The following MYCT1 variants were observed in gnomAD, a reference collection of about 807,000 sequenced individuals.
The protein encoded by MYCT1 is myc target protein 1.
A neutral mutation model predicts 15.0 loss-of-function variants in MYCT1; 12 were observed. That is an observed-to-expected ratio of 0.80 (90% CI 0.51 to 1.29). The LOEUF is 1.29. MYCT1 is among the 50% of genes most tolerant of loss of function. The pLI is 0.00. For missense variants in MYCT1, 287 were observed against 279.1 expected (o/e 1.03, Z -0.20); for synonymous variants, 104 against 102.7 (o/e 1.01, Z -0.07).
chr6:152,735,596 A>G, the MYCT1 span, among the ~76,000 whole-genome samples: 1 of 152,262 alleles, frequency 6.6e-6, no homozygotes, highest in East Asian at 1.9e-4. Flanking sequence ...AAATATGCTT[A>G]CCTCATGCAT....
At position 152,722,610 on chromosome 6, in the gene MYCT1, C is replaced by T. The variant is rs909272423; in HGVS notation, c.*357C>T. On this transcript the variant is annotated 3_prime_UTR_variant, in exon 2 of 2. Coordinates refer to ENST00000367245, the MANE Select transcript of MYCT1 (RefSeq NM_025107.3). ...ATTTGTGGATTACAATCCTCATTTA[C>T]TTCCAATGTGACTAAAAAGAGAAAA... The T allele has an allele frequency of 6.6e-5, 16 of 242,304 alleles. 1 individual carries two copies. The East Asian group carries it at 6.7e-4, about 10-fold the overall frequency. The allele number at this position is 242,304 out of a possible 1,614,324, so 15.0% of individuals were successfully genotyped here.
chr6:152,720,930 T>C (rs1391517144), intron 1 of MYCT1, among the ~76,000 whole-genome samples: 1 of 152,206 alleles, frequency 6.6e-6, no homozygotes, highest in Non-Finnish European at 1.5e-5. Flanking sequence ...TAAGGTAGCA[T>C]TTCCATTAGG....
At position 152,702,635 on chromosome 6, in the gene MYCT1, G is replaced by C. The variant is rs554384879; in HGVS notation, c.196+4537G>C. On this transcript the variant is annotated intron_variant, in intron 1 of 1. Transcript: ENST00000367245. ...CCACCCCAGCAGATGGGCATAGGATGTTCCCCAAGAAGTTAAGAGGGGAAC... is the reference window on the plus strand; with the variant it reads ...CCACCCCAGCAGATGGGCATAGGATCTTCCCCAAGAAGTTAAGAGGGGAAC... 1.1e-3 allele frequency among the ~76,000 whole-genome samples: 163 copies of C among 152,222 alleles called. 1 individual carries two copies. The highest frequency in any genetic ancestry group is 1.8e-3 in the Admixed American group (28 of 15,282).
At chr6:152,729,480 G>C (rs1164300352), downstream of MYCT1, among the ~76,000 whole-genome samples, 3 of 152,094 alleles carry the variant, frequency 2.0e-5, no homozygotes, top group Admixed American at 1.3e-4. Context: ...AAAGTTAAAT[G>C]ATTGCTCTTA....
chr6:152,698,674 A>G (rs1247010230), intron 1 of MYCT1, among the ~76,000 whole-genome samples: 3 of 152,254 alleles, frequency 2.0e-5, no homozygotes, highest in African/African-American at 7.2e-5. Context: ...TTAGAGTATA[A>G]CAAATAAAAC....
In MYCT1 at chr6:152,697,929, G is replaced by A. The variant is rs765571849; in HGVS notation, c.27G>A (p.Leu9=). The A allele has an allele frequency of 3.8e-6, 6 of 1,598,766 alleles. No homozygotes were observed. In the South Asian group the frequency reaches 6.9e-5, roughly 18 times the overall value. ...TGCGAACACAAGTATATGAGGGGTTGTGTAAAAATTATTTTTCTCTTGCTG... is the reference window on the plus strand; with the variant it reads ...TGCGAACACAAGTATATGAGGGGTTATGTAAAAATTATTTTTCTCTTGCTG... The part of the protein sequence containing the change: MRTQVYEG[L]CKNYFSLAVL... The change falls in exon 1 of 2, where the codon TTG becomes TTA. Residue 9 remains leucine, a synonymous_variant. Coordinates refer to ENST00000367245, the MANE Select transcript of MYCT1 (RefSeq NM_025107.3).
At chr6:152,741,268 T>C in the MYCT1 span, among the ~76,000 whole-genome samples, 2 of 152,300 alleles carry the variant, frequency 1.3e-5, no homozygotes, top group African/African-American at 4.8e-5. Context: ...GGAATTACTA[T>C]AGAGGCTTTA....
At chr6:152,734,534 G>T in the MYCT1 span, among the ~76,000 whole-genome samples, 1 of 152,162 alleles carries the variant, frequency 6.6e-6, no homozygotes, top group Non-Finnish European at 1.5e-5. Flanking sequence ...GAAATAAGAG[G>T]TGGGAGCTGC....
At chr6:152,735,777 G>A in the MYCT1 span, among the ~76,000 whole-genome samples, 1 of 152,032 alleles carries the variant, frequency 6.6e-6, no homozygotes, top group Non-Finnish European at 1.5e-5. Flanking sequence ...TCAGAATTAA[G>A]TATTTAATTA....
chr6:152,707,797 A>G (rs978769555), intron 1 of MYCT1, among the ~76,000 whole-genome samples: 1 of 152,010 alleles, frequency 6.6e-6, no homozygotes, highest in Non-Finnish European at 1.5e-5. Context: ...TCAAATACCA[A>G]TTGTCACAAA....
rs1011051039 is a variant in MYCT1 at position 152,723,842 on chromosome 6, T to C, written c.*1589T>C. On this transcript the variant is annotated 3_prime_UTR_variant, in exon 2 of 2. Transcript: ENST00000367245. The stretch of plus-strand genomic sequence containing the variant: ...TTTCCAGTATTGTGAATATTTAGTT[T>C]ATGTGGCCGTTTCTTTGTTTCTTTG... The C allele has an allele frequency of 2.6e-5, 4 of 152,202 alleles. No individual in the cohort carries two copies. Among genetic ancestry groups the C allele is most frequent in the African/African-American group, 9.6e-5 (4 of 41,456 alleles). The allele number at this position is 152,202 out of a possible 1,614,324, so 9.4% of individuals were successfully genotyped here. A position where few individuals can be genotyped will look rare whatever the true frequency, so the allele number is the denominator to read the frequency against.
At chr6:152,712,518 C>T (rs1377278684) in intron 1 of MYCT1, among the ~76,000 whole-genome samples, 1 of 72,130 alleles carries the variant, frequency 1.4e-5, no homozygotes, top group Non-Finnish European at 3.3e-5. Flanking sequence ...CACTGGCCTG[C>T]GCCCACTGTC....
chr6:152,699,821 G>A (rs767958829), intron 1 of MYCT1, among the ~76,000 whole-genome samples: 13 of 152,108 alleles, frequency 8.5e-5, no homozygotes, highest in Non-Finnish European at 1.6e-4. Context: ...TTTAGTTGGA[G>A]TTCACCTATT....
chr6:152,722,155 C>T lies in MYCT1; in HGVS notation c.610C>T (p.Arg204Cys), dbSNP rs778524865. 51 of 1,614,130 alleles carry T rather than the reference C, an allele frequency of 3.2e-5. No individual in the cohort carries two copies. Among genetic ancestry groups the T allele is most frequent in the Middle Eastern group, 1.6e-4 (1 of 6,062 alleles). ...PTISTSHSLS[R>C]PDYWSSNSLR... ...CATCAGCACTTCCCACAGTCTGAGCCGTCCTGACTACTGGTCCAGTAACAG... is the reference window on the plus strand; with the variant it reads ...CATCAGCACTTCCCACAGTCTGAGCTGTCCTGACTACTGGTCCAGTAACAG... Residue 204 changes from arginine (R) to cysteine (C), a missense_variant, in exon 2 of 2, where the codon CGT (arginine) becomes TGT (cysteine). Arg to Cys is a radical substitution (Grantham distance 180). Coordinates refer to ENST00000367245, the MANE Select transcript of MYCT1 (RefSeq NM_025107.3).
the MYCT1 span, among the ~76,000 whole-genome samples, chr6:152,746,374 G>GATA: frequency 1.3e-3 from 200 of 152,306 alleles, 3 homozygotes; most frequent in Admixed American, 2.2e-3. Context: ...AGACAGCACA[G>GATA]ATATGCTGGA....
chr6:152,729,445 G>A (rs2099726185), downstream of MYCT1, among the ~76,000 whole-genome samples: 1 of 152,060 alleles, frequency 6.6e-6, no homozygotes, highest in South Asian at 2.1e-4. Flanking sequence ...ACCTAAGTCT[G>A]TATACATAAG....
the MYCT1 span, among the ~76,000 whole-genome samples, chr6:152,736,681 T>C: frequency 6.6e-6 from 1 of 152,146 alleles, no homozygotes; most frequent in African/African-American, 2.4e-5. Flanking sequence ...ACATCCATTA[T>C]TAATACACTT....
At chr6:152,731,574 A>G in the MYCT1 span, among the ~76,000 whole-genome samples, 30 of 152,070 alleles carry the variant, frequency 2.0e-4, no homozygotes, top group African/African-American at 6.3e-4. Flanking sequence ...CCTGTGTCCA[A>G]GTGTTCTCAT....
downstream of MYCT1, among the ~76,000 whole-genome samples, chr6:152,726,391 C>T (rs2099725659): frequency 8.3e-6 from 1 of 119,816 alleles, no homozygotes; most frequent in Non-Finnish European, 1.9e-5. Context: ...GAACAAAACT[C>T]TGTCTAAAAA....
Sources: gnomAD v4.1 joint callset for allele counts (sites outside exome capture counted in the v4.1 genomes callset) on GRCh38, gnomAD v4.1.1 for gene constraint, MANE v1.5 for transcripts, NCBI Gene and HGNC (gene_info 2026-07-23, HGNC 2026-07-21) for gene names.